RCHY1: variants seen among roughly 807,000 people sequenced by gnomAD.
RCHY1 encodes the protein ring finger and CHY zinc finger domain containing 1, also known as RING finger and CHY zinc finger domain-containing protein 1.
Under a neutral mutation model 41.6 loss-of-function variants are expected in RCHY1, and 21 were observed. The ratio of observed to expected loss-of-function variants is 0.51; its 90% CI spans 0.36 to 0.73. RCHY1 has a LOEUF of 0.73. Among genes scored for constraint, RCHY1 ranks in the 30% least tolerant of loss-of-function variants. The probability of loss-of-function intolerance (pLI) is 0.00; values close to 1 mark genes in which losing one functional copy is unlikely to be tolerated. For synonymous variants in RCHY1, 79 were observed against 102.9 expected, an observed-to-expected ratio of 0.77 and a Z score of 1.41; for missense variants, 265 against 325.3, an observed-to-expected ratio of 0.81 and a Z score of 1.43.
At chr4:75,489,193 A>T (rs939472560) in intron 8 of RCHY1, among the ~76,000 whole-genome samples, 1 of 152,214 alleles carries the variant, frequency 6.6e-6, no homozygotes. Flanking sequence ...AAAATAATTT[A>T]TGACCAATGT....
chr4:75,482,722 T>C (rs1220223983), intron 8 of RCHY1, 56 bp from the exon 9 acceptor site: 10 of 1,269,210 alleles, frequency 7.9e-6, no homozygotes, highest in Admixed American at 6.2e-5. Flanking sequence ...ACAAGTAGCA[T>C]TGTCTACTCA....
chr4:75,487,565 AAT>A lies in RCHY1; in HGVS notation c.657+3014_657+3015del, dbSNP rs1267198319. Among the ~76,000 whole-genome samples, 291 of 55,346 alleles carry A rather than the reference AAT, an allele frequency of 5.3e-3. 8 individuals carry two copies. Among genetic ancestry groups the A allele is most frequent in the African/African-American group, 0.014 (207 of 15,000 alleles). The allele number at this position is 55,346 out of a possible 152,430, so 36.3% of individuals were successfully genotyped here. On this transcript the variant is annotated intron_variant, in intron 8 of 8. Coordinates refer to ENST00000324439, the MANE Select transcript of RCHY1 (RefSeq NM_015436.4). ...ATATATATATTCATAATATATTCAT[AAT>A]ATATATATTCATATATATATTCATA...
intron 8 of RCHY1, among the ~76,000 whole-genome samples, chr4:75,485,243 G>A (rs935919943): frequency 2.0e-5 from 3 of 152,136 alleles, no homozygotes; most frequent in African/African-American, 4.8e-5. Context: ...AAAAAAGAAC[G>A]CTGTCTTTCC....
chr4:75,483,890 T>C (rs373623446), intron 8 of RCHY1, among the ~76,000 whole-genome samples: 15 of 152,264 alleles, frequency 9.9e-5, no homozygotes, highest in East Asian at 9.6e-4. Context: ...CATTCTAATC[T>C]AAAACTCAAT....
chr4:75,494,155 G>A lies in RCHY1; in HGVS notation c.351C>T (p.Phe117=). Residue 117 remains phenylalanine, a synonymous_variant, in exon 4 of 9, where the codon TTC becomes TTT. Transcript: ENST00000324439. ...ICRIGPKEDF[F]HCLKCNLCLA... ...GGCATAAGTTACATTTCAAACAATG[G>A]AAAAAATCTTCCTTTGGACCAATCC... 6.4e-7 allele frequency: 1 copy of A among 1,565,268 alleles called. No individual in the cohort carries two copies. The highest frequency in any genetic ancestry group is 1.4e-5 in the African/African-American group (1 of 70,920).
At chr4:75,483,052 C>A (rs1027347998) in intron 8 of RCHY1, among the ~76,000 whole-genome samples, 1 of 151,914 alleles carries the variant, frequency 6.6e-6, no homozygotes, top group African/African-American at 2.4e-5. Context: ...TTAATAAAAC[C>A]AAAATTTTTA....
At chr4:75,511,277 C>CA (rs574693921) in intron 1 of RCHY1, among the ~76,000 whole-genome samples, 1 of 151,892 alleles carries the variant, frequency 6.6e-6, no homozygotes, top group African/African-American at 2.4e-5. Context: ...AAAATCTCAC[C>CA]AAAAAAAGTC....
intron 8 of RCHY1, among the ~76,000 whole-genome samples, chr4:75,486,706 A>G (rs1219030139): frequency 6.6e-6 from 1 of 152,162 alleles, no homozygotes; most frequent in African/African-American, 2.4e-5. Context: ...TTGCAAAGGC[A>G]TGTATTTAAA....
intron 4 of RCHY1, among the ~76,000 whole-genome samples, chr4:75,493,208 A>C (rs1192146925): frequency 6.6e-6 from 1 of 151,978 alleles, no homozygotes; most frequent in Admixed American, 6.6e-5. Context: ...ACAATCTACT[A>C]ATCAAGTACC....
chr4:75,514,291 T>G lies in RCHY1; in HGVS notation c.-5A>C, dbSNP rs1211633549. 1.9e-6 allele frequency: 3 copies of G among 1,610,714 alleles called. No homozygotes were observed. Among genetic ancestry groups the G allele is most frequent in the South Asian group, 1.1e-5 (1 of 90,932 alleles). On this transcript the variant is annotated 5_prime_UTR_variant, in exon 1 of 9. Coordinates refer to ENST00000324439, the MANE Select transcript of RCHY1 (RefSeq NM_015436.4). The stretch of plus-strand genomic sequence containing the variant: ...TTCCCGGGCCGTCGCCGCCATCTCC[T>G]CCACCTCCCCTCACATTCCACCGAT...
At chr4:75,487,969 C>T (rs1722394716) in intron 8 of RCHY1, among the ~76,000 whole-genome samples, 1 of 145,022 alleles carries the variant, frequency 6.9e-6, no homozygotes, top group African/African-American at 2.5e-5. Context: ...TGACAAGCTT[C>T]CCAAAATCAA....
intron 4 of RCHY1, 38 bp downstream of exon 4, chr4:75,494,063 T>C: frequency 8.5e-7 from 1 of 1,177,520 alleles, no homozygotes; most frequent in Non-Finnish European, 1.2e-6. Flanking sequence ...GCAAAAACAC[T>C]GTAATATTTT....
Position 75,480,046 on chromosome 4 carries a change from G to C in RCHY1, c.*2492C>G, listed in dbSNP as rs1721400314. ...TAAGTTTTGCATACTGAATGGTAAG[G>C]GATGTAGATTTTATTCTTATTGTGA... On this transcript the variant is annotated 3_prime_UTR_variant, in exon 9 of 9. Transcript: ENST00000324439. 6.6e-6 allele frequency: 1 copy of C among 152,116 alleles called. No homozygotes were observed. Among genetic ancestry groups the C allele is most frequent in the Non-Finnish European group, 1.5e-5 (1 of 68,002 alleles). The allele number at this position is 152,116 out of a possible 1,614,324, so 9.4% of individuals were successfully genotyped here.
At chr4:75,500,003 T>C (rs1723599408) in intron 3 of RCHY1, among the ~76,000 whole-genome samples, 1 of 152,144 alleles carries the variant, frequency 6.6e-6, no homozygotes, top group Non-Finnish European at 1.5e-5. Context: ...TAGCTGGGCA[T>C]GGTGGCACAT....
In RCHY1 at chr4:75,491,800, G is replaced by T; in HGVS notation, c.451-18C>A. On this transcript the variant is annotated intron_variant, in intron 5 of 8. Coordinates refer to ENST00000324439, the MANE Select transcript of RCHY1 (RefSeq NM_015436.4). Reference sequence around the variant, plus strand: ...TGAATGTCCTGTAAATGAAATAAATGTTAGTGCTTGTATGAAGACAATATA... The same window carrying T: ...TGAATGTCCTGTAAATGAAATAAATTTTAGTGCTTGTATGAAGACAATATA... 1 of 1,611,482 alleles carries T rather than the reference G, an allele frequency of 6.2e-7. No individual in the cohort carries two copies. The highest frequency in any genetic ancestry group is 8.5e-7 in the Non-Finnish European group (1 of 1,178,292).
rs1445829154 is a variant in RCHY1, at chr4:75,490,593, G to A, written c.645C>T (p.Asn215=). Residue 215 remains asparagine, a synonymous_variant, in exon 8 of 9, where the codon AAC becomes AAT. Transcript: ENST00000324439. The part of the protein sequence containing the change: ...AQTPMPSEYQ[N]MTVDILCNDC... ...TGATTCTACTCACATCCACAGTCAT[G>A]TTCTGATATTCTGATGGCATAGGAG... is the stretch of plus-strand genomic sequence containing the variant. 1.2e-6 allele frequency: 2 copies of A among 1,612,178 alleles called. No homozygotes were observed. Among genetic ancestry groups the A allele is most frequent in the Admixed American group, 1.7e-5 (1 of 59,846 alleles).
At chr4:75,501,714 T>A (rs1017107468) in intron 3 of RCHY1, among the ~76,000 whole-genome samples, 3 of 152,214 alleles carry the variant, frequency 2.0e-5, no homozygotes, top group Admixed American at 2.0e-4. Context: ...ATGAAAAGGA[T>A]TCTATAATCA....
intron 4 of RCHY1, among the ~76,000 whole-genome samples, chr4:75,493,043 T>C (rs984299739): frequency 1.3e-5 from 2 of 151,976 alleles, no homozygotes; most frequent in African/African-American, 2.4e-5. Flanking sequence ...AATTAGTGTG[T>C]GCACACACAC....
chr4:75,513,911 C>G (rs1239219051), intron 1 of RCHY1: 3 of 279,376 alleles, frequency 1.1e-5, no homozygotes, highest in Non-Finnish European at 2.0e-5. Flanking sequence ...CTGCCTCAGT[C>G]TACTTCGGCA....
Sources: gnomAD v4.1 joint callset for allele counts (sites outside exome capture counted in the v4.1 genomes callset) on GRCh38, gnomAD v4.1.1 for gene constraint, MANE v1.5 for transcripts, NCBI Gene and HGNC (gene_info 2026-07-23, HGNC 2026-07-21) for gene names.